Variants in LLGL2 observed in about 807,000 individuals in gnomAD.
LLGL2 encodes LLGL2, scribble cell polarity complex component.
A neutral mutation model predicts 123.2 loss-of-function variants in LLGL2; 81 were observed. The ratio of observed to expected loss-of-function variants is 0.66; its 90% CI spans 0.55 to 0.79. The LOEUF (loss-of-function observed/expected upper bound fraction) is 0.79. LLGL2 is among the 30% of genes least tolerant of loss of function. LLGL2 has a pLI of 0.00. For synonymous variants in LLGL2, 577 were observed against 594.1 expected, an observed-to-expected ratio of 0.97 and a Z score of 0.42; for missense variants, 1,273 against 1,414.6, an observed-to-expected ratio of 0.90 and a Z score of 1.61.
chr17:75,573,444 G>T (rs201620727), intron 20 of LLGL2, 37 bp from the exon 21 acceptor site: 4 of 1,590,500 alleles, frequency 2.5e-6, no homozygotes, highest in East Asian at 2.3e-5. Context: ...CTTGGCAGCC[G>T]CCAGGCCAGG....
chr17:75,541,033 C>T (rs1316219632), intron 1 of LLGL2, among the ~76,000 whole-genome samples: 1 of 152,194 alleles, frequency 6.6e-6, no homozygotes, highest in Non-Finnish European at 1.5e-5. Flanking sequence ...TACACTCACT[C>T]CCTACTGCAC....
Position 75,569,116 on chromosome 17 carries a change from G to GC in LLGL2, c.1466dup (p.Leu490ThrfsTer8), listed in dbSNP as rs778002857. The stretch of plus-strand genomic sequence containing the variant: ...TCAGTGCCCAGGGCGAGGACGAGTG[G>GC]CCCCCACTCCGCAAGGTGAGGCCAG... On this transcript the variant is annotated frameshift_variant, in exon 13 of 26. Coordinates refer to ENST00000392550, the MANE Select transcript of LLGL2 (RefSeq NM_001031803.2). LOFTEE classifies it high-confidence loss of function. 6.8e-6 allele frequency: 11 copies of GC among 1,613,304 alleles called. No individual in the cohort carries two copies. Among genetic ancestry groups the GC allele is most frequent in the Non-Finnish European group, 8.5e-6 (10 of 1,179,894 alleles).
At chr17:75,568,163 A>G (rs1464349755) in intron 10 of LLGL2, 1 of 1,276,284 alleles carries the variant, frequency 7.8e-7, no homozygotes, top group African/African-American at 1.5e-5. Context: ...ATGGAGGAGA[A>G]ACCAGGGAAG....
At position 75,570,006 on chromosome 17, in the gene LLGL2, T is replaced by G; in HGVS notation, c.1625T>G (p.Val542Gly). 6.2e-7 allele frequency: 1 copy of G among 1,610,500 alleles called. No homozygotes were observed. Among genetic ancestry groups the G allele is most frequent in the Non-Finnish European group, 8.5e-7 (1 of 1,178,358 alleles). The change falls in exon 15 of 26, where the codon GTG becomes GGG. Residue 542 changes from valine (V) to glycine (G), a missense_variant. By Grantham distance (109) the Val-to-Gly change is moderately radical. Coordinates refer to ENST00000392550, the MANE Select transcript of LLGL2 (RefSeq NM_001031803.2). ...AATGACGAGGCAGCGGAGCAGGCTG[T>G]GGAGCAGGTGGAGGCCGACCTGCTG... Reference protein sequence around the residue: ...ELNDEAAEQAVEQVEADLLQD... With the variant: ...ELNDEAAEQAGEQVEADLLQD...
intron 2 of LLGL2, among the ~76,000 whole-genome samples, chr17:75,552,841 C>G (rs1034137917): frequency 6.6e-6 from 1 of 152,232 alleles, no homozygotes; most frequent in Non-Finnish European, 1.5e-5. Flanking sequence ...CTTGGTGGCC[C>G]CATGGGGCTC....
At position 75,569,067 on chromosome 17, in the gene LLGL2, C is replaced by T. The variant is rs765727465; in HGVS notation, c.1412C>T (p.Thr471Ile). The T allele has an allele frequency of 1.3e-4, 211 of 1,612,850 alleles. No individual in the cohort carries two copies. Among genetic ancestry groups the T allele is most frequent in the Non-Finnish European group, 1.7e-4 (205 of 1,179,716 alleles). Residue 471 changes from threonine (T) to isoleucine (I), a missense_variant, in exon 13 of 26, where the codon ACC becomes ATC. Transcript: ENST00000392550. ...YKLSTVRVFLTDTDPNENFSA... is the reference protein window; with the variant it reads ...YKLSTVRVFLIDTDPNENFSA... ...CTCAGCACTGTGCGCGTGTTCCTCA[C>T]CGACACGGACCCCAACGAGAACTTC...
chr17:75,546,421 T>C (rs2054426464), intron 2 of LLGL2: 2 of 159,960 alleles, frequency 1.3e-5, no homozygotes, highest in South Asian at 3.1e-4. Flanking sequence ...ATCCATAGAG[T>C]TGGTGTGAGG....
Position 75,568,657 on chromosome 17 carries a change from C to G in LLGL2, c.1218C>G (p.Ala406=). The stretch of plus-strand genomic sequence containing the variant: ...TGAAGCTGTGGGAGCGGATCATTGC[C>G]GCCGGCAGCCGGCAGAACGCACACT... ...IPLKLWERII[A]AGSRQNAHFS... is the part of the protein sequence containing the mutation. Residue 406 remains alanine, a synonymous_variant, in exon 11 of 26, where the codon GCC becomes GCG. Coordinates refer to ENST00000392550, the MANE Select transcript of LLGL2 (RefSeq NM_001031803.2). The G allele has an allele frequency of 6.2e-7, 1 of 1,613,752 alleles. No individual in the cohort carries two copies. The highest frequency in any genetic ancestry group is 8.5e-7 in the Non-Finnish European group (1 of 1,179,998).
In LLGL2 at chr17:75,571,018, CA is replaced by C; in HGVS notation, c.2096del (p.Lys699ArgfsTer25). The C allele has an allele frequency of 6.2e-7, 1 of 1,613,050 alleles. No individual in the cohort carries two copies. The highest frequency in any genetic ancestry group is 8.5e-7 in the Non-Finnish European group (1 of 1,179,958). ...QNMELAPVQR[K>X]IEARSAEDSF... ...ACATGGAGCTGGCGCCTGTGCAGCG[CA>C]AGATCGAGGCTCGCTCGGCAGAGGA... On this transcript the variant is annotated frameshift_variant, in exon 17 of 26. Coordinates refer to ENST00000392550, the MANE Select transcript of LLGL2 (RefSeq NM_001031803.2). LOFTEE classifies it high-confidence loss of function.
rs33986841 is a variant in LLGL2 at position 75,564,862 on chromosome 17, CAAA to C, written c.1036+370_1036+372del. ...TGGGTGACATAGCCAGACTGTGTCT[CAAA>C]AAAAAAAAAAAAAAGGGCTCTGCAC... On this transcript the variant is annotated intron_variant, in intron 10 of 25. Transcript: ENST00000392550. The surrounding 1 kb of genome is among the most constrained non-coding windows in gnomAD (Gnocchi z 4.9). The C allele has an allele frequency of 5.4e-4, 58 of 107,696 alleles. No individual in the cohort carries two copies. Among genetic ancestry groups the C allele is most frequent in the Non-Finnish European group, 7.3e-4 (36 of 49,082 alleles). 6.7% of individuals were successfully genotyped at this position (107,696 alleles called of 1,614,324 possible).
In LLGL2 at chr17:75,555,240, A is replaced by C. The variant is rs775815682; in HGVS notation, c.76-806A>C. Among the ~76,000 whole-genome samples, 12 of 150,934 alleles carry C rather than the reference A, an allele frequency of 8.0e-5. 1 individual carries two copies. In the East Asian group the frequency reaches 1.6e-3, roughly 20 times the overall value. On this transcript the variant is annotated intron_variant, in intron 2 of 25. Coordinates refer to ENST00000392550, the MANE Select transcript of LLGL2 (RefSeq NM_001031803.2). Reference sequence around the variant, plus strand: ...CAGAAGACTCGAAGGATGTACACTTAGGTTCTAGCAAGGTTACTTCTGGTT... The same window carrying C: ...CAGAAGACTCGAAGGATGTACACTTCGGTTCTAGCAAGGTTACTTCTGGTT...
intron 2 of LLGL2, among the ~76,000 whole-genome samples, chr17:75,552,531 T>G (rs1046668314): frequency 5.9e-5 from 9 of 152,256 alleles, no homozygotes; most frequent in Admixed American, 5.9e-4. Context: ...GCAAAATATT[T>G]TGACGTGTGA....
Position 75,573,000 on chromosome 17 carries a change from C to T in LLGL2, c.2461-14C>T, listed in dbSNP as rs1321349370. Reference sequence around the variant, plus strand: ...GTTTGGCCATGGGCATGAACAACCACCCCACGCCCCCAGGTGTTCACGCTG... The same window carrying T: ...GTTTGGCCATGGGCATGAACAACCATCCCACGCCCCCAGGTGTTCACGCTG... On this transcript the variant is annotated splice_polypyrimidine_tract_variant and intron_variant, in intron 19 of 25. Coordinates refer to ENST00000392550, the MANE Select transcript of LLGL2 (RefSeq NM_001031803.2). The T allele has an allele frequency of 1.3e-6, 2 of 1,591,864 alleles. No homozygotes were observed. The highest frequency in any genetic ancestry group is 1.7e-5 in the Admixed American group (1 of 59,298).
At chr17:75,554,523 G>A (rs2054818128) in intron 2 of LLGL2, among the ~76,000 whole-genome samples, 1 of 151,882 alleles carries the variant, frequency 6.6e-6, no homozygotes, top group East Asian at 1.9e-4. Flanking sequence ...GGGAGGCTGA[G>A]GTGGAAGGAT....
In LLGL2 at chr17:75,541,874, C is replaced by T. The variant is rs147621995; in HGVS notation, c.-30-1523C>T. 6.1e-3 allele frequency among the ~76,000 whole-genome samples: 920 copies of T among 151,832 alleles called. 3 individuals carry two copies. Among genetic ancestry groups the T allele is most frequent in the Admixed American group, 7.7e-3 (117 of 15,210 alleles). On this transcript the variant is annotated intron_variant, in intron 1 of 25. Transcript: ENST00000392550. ...CCTTCCAAGTAGCTGGGATTACAGG[C>T]GTCTGCCACCACACTCGGCTAACTT...
intron 1 of LLGL2, among the ~76,000 whole-genome samples, chr17:75,528,568 G>A (rs1242338768): frequency 1.3e-5 from 2 of 152,204 alleles, no homozygotes; most frequent in East Asian, 1.9e-4. Flanking sequence ...GAGATACCCT[G>A]TCTCTATTAA....
At chr17:75,549,000 C>A (rs185384274) in intron 2 of LLGL2, among the ~76,000 whole-genome samples, 348 of 152,248 alleles carry the variant, frequency 2.3e-3, no homozygotes, top group African/African-American at 7.9e-3. Flanking sequence ...GAGACTAAGG[C>A]CCCCAGGGCT....
chr17:75,540,471 C>T (rs1278646966), intron 1 of LLGL2, among the ~76,000 whole-genome samples: 1 of 152,194 alleles, frequency 6.6e-6, no homozygotes, highest in African/African-American at 2.4e-5. Context: ...GTGGGAAGAG[C>T]AGCAGGTCCA....
In LLGL2 at chr17:75,559,538, G is replaced by A. The variant is rs908748762; in HGVS notation, c.530+128G>A. 2.5e-6 allele frequency: 3 copies of A among 1,206,462 alleles called. No individual in the cohort carries two copies. The highest frequency in any genetic ancestry group is 3.4e-6 in the Non-Finnish European group (3 of 883,490). The allele number at this position is 1,206,462 out of a possible 1,614,324, so 74.7% of individuals were successfully genotyped here. A position where few individuals can be genotyped will look rare whatever the true frequency, so the allele number is the denominator to read the frequency against. On this transcript the variant is annotated intron_variant, in intron 6 of 25. Coordinates refer to ENST00000392550, the MANE Select transcript of LLGL2 (RefSeq NM_001031803.2). The surrounding 1 kb of genome is among the most constrained non-coding windows in gnomAD (Gnocchi z 4.6). The stretch of plus-strand genomic sequence containing the variant: ...GGAATTCCATGGGGCTATAGCAGGG[G>A]AGGCTCTTGGCTTCCTACCTGTCAC...
Sources: allele counts gnomAD v4.1 joint callset (sites outside exome capture counted in the v4.1 genomes callset), GRCh38; gene constraint gnomAD v4.1.1; non-coding constraint Gnocchi (gnomAD v3.1); transcripts MANE v1.5; gene names NCBI Gene and HGNC (gene_info 2026-07-23, HGNC 2026-07-21).